CTNNA2: variants seen among roughly 807,000 people sequenced by gnomAD.
The protein encoded by CTNNA2 is catenin alpha-2.
A neutral mutation model predicts 101.0 loss-of-function variants in CTNNA2; 42 were observed. The ratio of observed to expected loss-of-function variants is 0.42; its 90% CI spans 0.32 to 0.54. The LOEUF (loss-of-function observed/expected upper bound fraction) is 0.54, where lower values mean the gene tolerates loss of function less well. Ranked by LOEUF, CTNNA2 falls within the 20% of genes least tolerant of loss-of-function variation. The pLI, the probability that CTNNA2 is intolerant of heterozygous loss-of-function variation, is 0.14. For synonymous variants in CTNNA2, 450 were observed against 456.4 expected (o/e 0.99, Z 0.18); for missense variants, 871 against 1,223.1 (o/e 0.71, Z 4.29).
intron 1 of CTNNA2, among the ~76,000 whole-genome samples, chr2:79,196,856 G>A (rs867110802): frequency 1.3e-5 from 2 of 152,278 alleles, no homozygotes; most frequent in Middle Eastern, 3.4e-3. Flanking sequence ...GTTTTGTTTT[G>A]CAGGATTATT....
At chr2:80,299,821 T>G (rs1676081299) in intron 7 of CTNNA2, 1 of 152,188 alleles carries the variant, frequency 6.6e-6, no homozygotes, top group African/African-American at 2.4e-5. Context: ...GTTTTGCTTC[T>G]GAAAGCTTTC....
chr2:79,275,029 G>A (rs983460486), intron 2 of CTNNA2, among the ~76,000 whole-genome samples: 1 of 152,058 alleles, frequency 6.6e-6, no homozygotes, highest in Non-Finnish European at 1.5e-5. Flanking sequence ...AGATAGAGGT[G>A]CCTCTAACTT....
At chr2:80,497,224 G>T (rs1403049630) in intron 9 of CTNNA2, among the ~76,000 whole-genome samples, 2 of 152,128 alleles carry the variant, frequency 1.3e-5, no homozygotes, top group Non-Finnish European at 2.9e-5. Flanking sequence ...CCAAACCACA[G>T]TGCCATTGTG....
At chr2:79,231,661 A>G (rs1021502919) in intron 2 of CTNNA2, among the ~76,000 whole-genome samples, 1 of 152,138 alleles carries the variant, frequency 6.6e-6, no homozygotes, top group Admixed American at 6.5e-5. Context: ...ATGGCCATTA[A>G]TAACTCTATT....
At chr2:80,468,649 C>A (rs539650482) in intron 9 of CTNNA2, among the ~76,000 whole-genome samples, 15 of 152,178 alleles carry the variant, frequency 9.9e-5, no homozygotes, top group African/African-American at 3.4e-4. Context: ...AACTCCTGAC[C>A]TTGTGATCCA....
At chr2:79,881,577 A>G (rs1683427860) in intron 6 of CTNNA2, among the ~76,000 whole-genome samples, 1 of 151,132 alleles carries the variant, frequency 6.6e-6, no homozygotes, top group Non-Finnish European at 1.5e-5. Context: ...TGCCCTTGTC[A>G]TTTTTGATCT....
At chr2:80,368,426 C>A (rs111516747) in intron 7 of CTNNA2, among the ~76,000 whole-genome samples, 3,207 of 152,160 alleles carry the variant, frequency 0.021, 46 homozygotes, top group Middle Eastern at 0.037. Flanking sequence ...ATCATATAAT[C>A]TCCTTTCTAT....
At chr2:79,508,977 AT>A (rs1461484234), upstream of CTNNA2, among the ~76,000 whole-genome samples, 1 of 35,544 alleles carries the variant, frequency 2.8e-5, no homozygotes, top group Non-Finnish European at 5.5e-5. Context: ...ATATATATAT[AT>A]ATATATATAT....
intron 1 of CTNNA2, among the ~76,000 whole-genome samples, chr2:79,515,862 C>T (rs768133628): frequency 6.6e-6 from 1 of 152,116 alleles, no homozygotes; most frequent in Non-Finnish European, 1.5e-5. Flanking sequence ...ATCTTATGGA[C>T]CCCTGTAAAA....
chr2:80,079,203 CTT>C (rs1421683502), intron 7 of CTNNA2, among the ~76,000 whole-genome samples: 1 of 152,046 alleles, frequency 6.6e-6, no homozygotes, highest in Non-Finnish European at 1.5e-5. Context: ...TGTGAGGACA[CTT>C]TGAAATAAAA....
intron 3 of CTNNA2, among the ~76,000 whole-genome samples, chr2:79,853,186 TCTCA>T (rs77872075): frequency 0.21 from 32,162 of 151,690 alleles, 4,110 homozygotes; most frequent in Non-Finnish European, 0.3. Context: ...TTGAGACAGG[TCTCA>T]CTCAGTCATA....
intron 7 of CTNNA2, among the ~76,000 whole-genome samples, chr2:80,249,660 T>C (rs773472404): frequency 1.4e-4 from 22 of 152,326 alleles, no homozygotes; most frequent in Middle Eastern, 3.4e-3. Context: ...GATTAGGAAC[T>C]CAAGTCCTGT....
intron 7 of CTNNA2, among the ~76,000 whole-genome samples, chr2:80,111,950 A>G (rs573307897): frequency 1.3e-4 from 20 of 152,342 alleles, no homozygotes; most frequent in African/African-American, 3.8e-4. Flanking sequence ...ATTAAGATCT[A>G]TCTTTCACAG....
At chr2:79,350,124 A>T (rs1341262969) in intron 3 of CTNNA2, among the ~76,000 whole-genome samples, 2 of 150,712 alleles carry the variant, frequency 1.3e-5, no homozygotes, top group Non-Finnish European at 2.9e-5. Flanking sequence ...TATACCAGAA[A>T]TTTTTTCTTT....
At chr2:80,378,363 T>A (rs553606296) in intron 7 of CTNNA2, among the ~76,000 whole-genome samples, 20 of 28,354 alleles carry the variant, frequency 7.1e-4, no homozygotes, top group African/African-American at 3.4e-3. Flanking sequence ...TCTCAAAAAA[T>A]AAATAAATAA....
At chr2:80,254,356 C>A (rs552599146) in intron 7 of CTNNA2, among the ~76,000 whole-genome samples, 2 of 152,014 alleles carry the variant, frequency 1.3e-5, no homozygotes, top group East Asian at 3.9e-4. Flanking sequence ...TTGAAGAGGG[C>A]TAGAAACTAA....
intron 2 of CTNNA2, among the ~76,000 whole-genome samples, chr2:79,658,667 G>A (rs1681792534): frequency 8.2e-6 from 1 of 122,556 alleles, no homozygotes; most frequent in African/African-American, 3.3e-5. Flanking sequence ...AATAGAATTT[G>A]CTGAAATTTT....
At chr2:79,951,094 T>A (rs1186476254) in intron 7 of CTNNA2, among the ~76,000 whole-genome samples, 1 of 152,218 alleles carries the variant, frequency 6.6e-6, no homozygotes, top group African/African-American at 2.4e-5. Context: ...TTTAAAGGAT[T>A]CTGATTTAAT....
chr2:79,385,168 AGT>A (rs1262832062), intron 4 of CTNNA2, among the ~76,000 whole-genome samples: 3 of 152,166 alleles, frequency 2.0e-5, no homozygotes, highest in East Asian at 3.9e-4. Context: ...AGTAAAATTG[AGT>A]GTCTAGTGTA....
Sources: allele counts gnomAD v4.1 joint callset (sites outside exome capture counted in the v4.1 genomes callset), GRCh38; gene constraint gnomAD v4.1.1; transcripts MANE v1.5; gene names NCBI Gene and HGNC (gene_info 2026-07-23, HGNC 2026-07-21).